The following ANKRD52 variants were observed in gnomAD, a reference collection of about 807,000 sequenced individuals.
The protein encoded by ANKRD52 is serine/threonine-protein phosphatase 6 regulatory ankyrin repeat subunit C.
ANKRD52 carries 7 observed loss-of-function variants against 116.0 expected under a neutral mutation model. That is an observed-to-expected ratio of 0.06 (90% CI 0.03 to 0.11). ANKRD52 has a LOEUF of 0.11. Ranked by LOEUF, ANKRD52 falls within the 10% of genes least tolerant of loss-of-function variation. ANKRD52 has a pLI of 1.00. For synonymous variants in ANKRD52, 528 were observed against 578.1 expected (o/e 0.91, Z 1.24); for missense variants, 839 against 1,408.6 (o/e 0.60, Z 6.47).
Position 56,244,091 on chromosome 12 carries a change from C to CT in ANKRD52, c.2847dup (p.Asp950ArgfsTer43). 6.2e-7 allele frequency: 1 copy of CT among 1,614,016 alleles called. No individual in the cohort carries two copies. Among genetic ancestry groups the CT allele is most frequent in the African/African-American group, 1.3e-5 (1 of 75,056 alleles). ...TTGGTAGCATTGATAAGGCCAAGGT[C>CT]TTGGGTTTCTGCCAGGATCATGAGG... On this transcript the variant is annotated frameshift_variant, in exon 26 of 28. Transcript: ENST00000267116. LOFTEE classifies it high-confidence loss of function. The surrounding 1 kb of genome is among the most constrained non-coding windows in gnomAD (Gnocchi z 4.9).
At position 56,243,409 on chromosome 12, in the gene ANKRD52, G is replaced by C; in HGVS notation, c.2981-17C>G. The C allele has an allele frequency of 1.2e-6, 2 of 1,612,126 alleles. No homozygotes were observed. The highest frequency in any genetic ancestry group is 2.2e-5 in the South Asian group (2 of 90,684). On this transcript the variant is annotated splice_polypyrimidine_tract_variant and intron_variant, in intron 27 of 27. Coordinates refer to ENST00000267116, the MANE Select transcript of ANKRD52 (RefSeq NM_173595.4). The surrounding 1 kb of genome is among the most constrained non-coding windows in gnomAD (Gnocchi z 4.6). ...GGGTGTGACCTGCAGGGCCAAGGGG[G>C]AGAACTGAGGCATAGAGTCCTGTAT... is the stretch of plus-strand genomic sequence containing the variant.
In ANKRD52 at chr12:56,244,033, C is replaced by T. The variant is rs1871283280; in HGVS notation, c.2888+18G>A. The stretch of plus-strand genomic sequence containing the variant: ...ACTGGCCTCCCCCAGCCAGGAGCCC[C>T]CTTCCCCAGGCACTCACATCTGCAG... On this transcript the variant is annotated intron_variant, in intron 26 of 27. Coordinates refer to ENST00000267116, the MANE Select transcript of ANKRD52 (RefSeq NM_173595.4). This position sits in a 1 kb window ranked among gnomAD's most constrained non-coding sequence, Gnocchi z 4.9. The T allele has an allele frequency of 6.2e-7, 1 of 1,613,502 alleles. No homozygotes were observed. Among genetic ancestry groups the T allele is most frequent in the Non-Finnish European group, 8.5e-7 (1 of 1,179,720 alleles).
Position 56,247,533 on chromosome 12 carries a change from T to G in ANKRD52, c.2144A>C (p.Asp715Ala), listed in dbSNP as rs749350872. 1 of 1,594,720 alleles carries G rather than the reference T, an allele frequency of 6.3e-7. No individual in the cohort carries two copies. The highest frequency in any genetic ancestry group is 8.5e-7 in the Non-Finnish European group (1 of 1,170,266). Residue 715 changes from aspartate to alanine, a missense_variant, in exon 20 of 28, where the codon GAT becomes GCT. Asp to Ala is a moderately radical substitution (Grantham distance 126). Transcript: ENST00000267116. ...HLLLEKGSTA[D>A]AADLRGRTAL... is the part of the protein sequence containing the mutation. ...AGTGCGGCCCCGGAGGTCAGCAGCA[T>G]CAGCTGTGGATCCTTTCTCTAGCAG...
At position 56,253,520 on chromosome 12, in the gene ANKRD52, T is replaced by C. The variant is rs1871800765; in HGVS notation, c.986-118A>G. On this transcript the variant is annotated intron_variant, in intron 9 of 27. Transcript: ENST00000267116. The surrounding 1 kb of genome is among the most constrained non-coding windows in gnomAD (Gnocchi z 5.5). ...GCATCAGGTGCCAGGCCCAGGATTC[T>C]ACATATTTTATCCTGTTTCTAGGCC... 6 of 951,078 alleles carry C rather than the reference T, an allele frequency of 6.3e-6. No individual in the cohort carries two copies. Among genetic ancestry groups the C allele is most frequent in the Non-Finnish European group, 8.1e-6 (5 of 614,130 alleles). 58.9% of individuals were successfully genotyped at this position (951,078 alleles called of 1,614,324 possible).
chr12:56,237,887 G>C lies in ANKRD52; in HGVS notation c.*5255C>G. On this transcript the variant is annotated 3_prime_UTR_variant, in exon 28 of 28. Transcript: ENST00000267116. ...GTTGTACTTGCACCAAAACAGCATA[G>C]AAAACCAGAGTGTGGTGGGAGGACC... 1.0e-6 allele frequency: 1 copy of C among 979,292 alleles called. No homozygotes were observed. The highest frequency in any genetic ancestry group is 1.4e-6 in the Non-Finnish European group (1 of 704,612). The allele number at this position is 979,292 out of a possible 1,614,324, so 60.7% of individuals were successfully genotyped here. A position where few individuals can be genotyped will look rare whatever the true frequency, so the allele number is the denominator to read the frequency against.
chr12:56,252,749 T>C lies in ANKRD52; in HGVS notation c.1301+31A>G. The stretch of plus-strand genomic sequence containing the variant: ...CCCAGACCTTTGCCCAGCTCCCTGC[T>C]CAAAGCATGGGAGAGAGAAAGAGAA... On this transcript the variant is annotated intron_variant, in intron 12 of 27. Transcript: ENST00000267116. This position sits in a 1 kb window ranked among gnomAD's most constrained non-coding sequence, Gnocchi z 4.7. 6.2e-7 allele frequency: 1 copy of C among 1,602,340 alleles called. No individual in the cohort carries two copies. Among genetic ancestry groups the C allele is most frequent in the Non-Finnish European group, 8.5e-7 (1 of 1,170,494 alleles).
chr12:56,246,793 G>A (rs1222997306), intron 20 of ANKRD52, among the ~76,000 whole-genome samples: 6 of 151,596 alleles, frequency 4.0e-5, no homozygotes, highest in Admixed American at 2.0e-4. Flanking sequence ...GGTGGCAGGC[G>A]CCTGTAATCC....
chr12:56,249,570 A>G (rs1190644221), intron 15 of ANKRD52, among the ~76,000 whole-genome samples: 2 of 152,204 alleles, frequency 1.3e-5, no homozygotes, highest in African/African-American at 4.8e-5. Context: ...TTTTTAAAAA[A>G]ATAAATCTTA....
rs996277427 is a variant in ANKRD52, at chr12:56,241,094, A to G, written c.*2048T>C. 1.3e-5 allele frequency: 2 copies of G among 152,170 alleles called. No individual in the cohort carries two copies. Among genetic ancestry groups the G allele is most frequent in the African/African-American group, 4.8e-5 (2 of 41,440 alleles). 9.4% of individuals were successfully genotyped at this position (152,170 alleles called of 1,614,324 possible). A position where few individuals can be genotyped will look rare whatever the true frequency, so the allele number is the denominator to read the frequency against. On this transcript the variant is annotated 3_prime_UTR_variant, in exon 28 of 28. Coordinates refer to ENST00000267116, the MANE Select transcript of ANKRD52 (RefSeq NM_173595.4). ...GTTGGGGATGGGGGCTGCAGCCCTT[A>G]AGAGAGGTCACATTGATTGTCATAT...
At position 56,244,956 on chromosome 12, in the gene ANKRD52, T is replaced by C. The variant is rs1240384007; in HGVS notation, c.2526A>G (p.Leu842=). The C allele has an allele frequency of 3.1e-6, 5 of 1,613,850 alleles. No homozygotes were observed. Among genetic ancestry groups the C allele is most frequent in the Non-Finnish European group, 4.2e-6 (5 of 1,179,858 alleles). The change falls in exon 23 of 28, where the codon CTA becomes CTG. Residue 842 remains leucine (L), a synonymous_variant. Coordinates refer to ENST00000267116, the MANE Select transcript of ANKRD52 (RefSeq NM_173595.4). This position sits in a 1 kb window ranked among gnomAD's most constrained non-coding sequence, Gnocchi z 4.9. ...INNQDSTTEM[L]LGALGAKIVN... ...CAATCTTGGCACCCAGAGCTCCCAG[T>C]AGCATCTCTGTGGTGCTGTCTTGGT... is the stretch of plus-strand genomic sequence containing the variant.
chr12:56,247,824 G>A (rs757145496), intron 18 of ANKRD52, 50 bp from the exon 19 acceptor site: 2 of 1,569,936 alleles, frequency 1.3e-6, no homozygotes, highest in Non-Finnish European at 8.7e-7. Context: ...GAAGAAGGGA[G>A]GCAAGGTCAA....
At position 56,253,445 on chromosome 12, in the gene ANKRD52, C is replaced by A. The variant is rs146992533; in HGVS notation, c.986-43G>T. On this transcript the variant is annotated intron_variant, in intron 9 of 27. Transcript: ENST00000267116. The surrounding 1 kb of genome is among the most constrained non-coding windows in gnomAD (Gnocchi z 5.5). ...CACACAAGCTCAGGCAGACCTCAGG[C>A]TTAAGACCACTTTCGCGAGCTAGCC... The A allele has an allele frequency of 4.0e-6, 6 of 1,487,350 alleles. No individual in the cohort carries two copies. In the African/African-American group the frequency reaches 8.3e-5, roughly 21 times the overall value. The allele number at this position is 1,487,350 out of a possible 1,614,324, so 92.1% of individuals were successfully genotyped here.
chr12:56,258,302 C>CCGGCGGCGG lies in ANKRD52; in HGVS notation c.-42_-34dup, dbSNP rs751124828. 2 of 1,535,242 alleles carry CCGGCGGCGG rather than the reference C, an allele frequency of 1.3e-6. No individual in the cohort carries two copies. The highest frequency in any genetic ancestry group is 1.7e-6 in the Non-Finnish European group (2 of 1,144,268). On this transcript the variant is annotated 5_prime_UTR_variant, in exon 1 of 28. Transcript: ENST00000267116. ...CCCGGGCTCCGTCCGCATCGAGCTC[C>CCGGCGGCGG]CGGCGGCGGCGGCGGCGGCTCCACC...
At position 56,252,914 on chromosome 12, in the gene ANKRD52, G is replaced by A; in HGVS notation, c.1184-17C>T. 1.9e-6 allele frequency: 3 copies of A among 1,611,462 alleles called. No homozygotes were observed. Among genetic ancestry groups the A allele is most frequent in the African/African-American group, 1.3e-5 (1 of 74,984 alleles). ...ACAACTGACCTGGAGGCACAGAACA[G>A]CCACAGGTCACATCTGAGAGTGTTC... is the stretch of plus-strand genomic sequence containing the variant. On this transcript the variant is annotated splice_polypyrimidine_tract_variant and intron_variant, in intron 11 of 27. Transcript: ENST00000267116. The surrounding 1 kb of genome is among the most constrained non-coding windows in gnomAD (Gnocchi z 4.7).
intron 3 of ANKRD52, 73 bp from the exon 4 acceptor site, chr12:56,257,158 G>C (rs1871992875): frequency 3.2e-6 from 5 of 1,569,592 alleles, no homozygotes; most frequent in Non-Finnish European, 4.3e-6. Context: ...ATCAGGCCAG[G>C]AAATCTGAAT....
In ANKRD52 at chr12:56,244,696, G is replaced by A; in HGVS notation, c.2678C>T (p.Thr893Ile). 6.2e-7 allele frequency: 1 copy of A among 1,613,942 alleles called. No individual in the cohort carries two copies. Among genetic ancestry groups the A allele is most frequent in the South Asian group, 1.1e-5 (1 of 91,090 alleles). ...EVNATDHTGR[T>I]ALMTAAENGQ... ...GTTCTCAGCCGCCGTCATGAGCGCA[G>A]TGCGGCCAGTGTGGTCAGTGGCGTT... The change falls in exon 24 of 28, where the codon ACT becomes ATT. Residue 893 changes from threonine to isoleucine, a missense_variant. Physicochemically the swap from Thr to Ile is moderately conservative, Grantham distance 89 (BLOSUM62 -1). Transcript: ENST00000267116. This position sits in a 1 kb window ranked among gnomAD's most constrained non-coding sequence, Gnocchi z 4.9.
Position 56,241,844 on chromosome 12 carries a change from C to A in ANKRD52, c.*1298G>T. 1 of 397,328 alleles carries A rather than the reference C, an allele frequency of 2.5e-6. No homozygotes were observed. Among genetic ancestry groups the A allele is most frequent in the African/African-American group, 2.1e-5 (1 of 48,728 alleles). The allele number at this position is 397,328 out of a possible 1,614,324, so 24.6% of individuals were successfully genotyped here. A position where few individuals can be genotyped will look rare whatever the true frequency, so the allele number is the denominator to read the frequency against. On this transcript the variant is annotated 3_prime_UTR_variant, in exon 28 of 28. Transcript: ENST00000267116. ...CCCTCTTCACTCCAGCCCAGTTTGG[C>A]TTTTGGGGTGCGACTTTAGAAATCT...
chr12:56,249,480 CT>C (rs1871580253), intron 15 of ANKRD52, among the ~76,000 whole-genome samples: 1 of 152,072 alleles, frequency 6.6e-6, no homozygotes, highest in South Asian at 2.1e-4. Context: ...TATTTTTATC[CT>C]TACTGTGGGT....
intron 18 of ANKRD52, 83 bp downstream of exon 18, chr12:56,247,940 C>T: frequency 7.0e-7 from 1 of 1,433,558 alleles, no homozygotes; most frequent in Non-Finnish European, 9.5e-7. Flanking sequence ...TCTCCTCACC[C>T]TACTCCACTT....
Sources: gnomAD v4.1 joint callset for allele counts (sites outside exome capture counted in the v4.1 genomes callset) on GRCh38, gnomAD v4.1.1 for gene constraint, Gnocchi (gnomAD v3.1) non-coding constraint, MANE v1.5 for transcripts, NCBI Gene and HGNC (gene_info 2026-07-23, HGNC 2026-07-21) for gene names.